SBF2: variants seen among roughly 807,000 people sequenced by gnomAD.
SBF2 encodes the protein SET binding factor 2, also known as myotubularin-related protein 13.
Under a neutral mutation model 225.2 loss-of-function variants are expected in SBF2, and 112 were observed. That is an observed-to-expected ratio of 0.50 (90% CI 0.43 to 0.58). The LOEUF (loss-of-function observed/expected upper bound fraction) is 0.58, where lower values mean the gene tolerates loss of function less well. SBF2 is among the 20% of genes least tolerant of loss of function. The probability of loss-of-function intolerance (pLI) is 0.00; values close to 1 mark genes in which losing one functional copy is unlikely to be tolerated. For synonymous variants in SBF2, 763 were observed against 773.3 expected (o/e 0.99, Z 0.22); for missense variants, 1,996 against 2,206.2 (o/e 0.90, Z 1.91).
intron 17 of SBF2, among the ~76,000 whole-genome samples, chr11:9,895,065 C>T (rs1230743583): frequency 1.3e-5 from 2 of 152,188 alleles, no homozygotes; most frequent in Non-Finnish European, 2.9e-5. Context: ...TAGACCTTGA[C>T]TGATTCATCC....
chr11:9,938,050 T>TA (rs200622651), intron 16 of SBF2, among the ~76,000 whole-genome samples: 1 of 122,730 alleles, frequency 8.1e-6, no homozygotes, highest in East Asian at 4.6e-4. Flanking sequence ...CCCAGCACTT[T>TA]GGGGGCCAAG....
intron 13 of SBF2, among the ~76,000 whole-genome samples, chr11:9,976,915 G>A (rs1036932934): frequency 9.9e-5 from 15 of 151,634 alleles, no homozygotes; most frequent in African/African-American, 1.5e-4. Context: ...GACTACACGC[G>A]CCCACCACCA....
At chr11:9,800,241 G>GA (rs141167439) in intron 32 of SBF2, among the ~76,000 whole-genome samples, 22 of 145,316 alleles carry the variant, frequency 1.5e-4, no homozygotes, top group East Asian at 4.0e-4. Flanking sequence ...CATCCTAAAG[G>GA]AAAAAAAAAA....
intron 2 of SBF2, among the ~76,000 whole-genome samples, chr11:10,192,580 T>C (rs550582063): frequency 6.6e-6 from 1 of 152,308 alleles, no homozygotes; most frequent in South Asian, 2.1e-4. Flanking sequence ...GAAGACATTG[T>C]TCTAATCATT....
chr11:10,049,309 A>AT (rs1949979892), intron 2 of SBF2, among the ~76,000 whole-genome samples: 1 of 152,172 alleles, frequency 6.6e-6, no homozygotes, highest in Admixed American at 6.5e-5. Flanking sequence ...TTAAAAAAAA[A>AT]TTTTATTTTA....
intron 16 of SBF2, among the ~76,000 whole-genome samples, chr11:9,933,661 T>C (rs892965661): frequency 2.0e-5 from 3 of 152,024 alleles, no homozygotes; most frequent in Non-Finnish European, 2.9e-5. Context: ...TTTAAAGCAG[T>C]GTGTAGAGGG....
intron 2 of SBF2, among the ~76,000 whole-genome samples, chr11:10,066,572 C>G (rs1317768246): frequency 2.6e-5 from 4 of 152,080 alleles, no homozygotes; most frequent in Non-Finnish European, 5.9e-5. Context: ...AGTGAGCAAA[C>G]ACTTCTGTTA....
chr11:9,887,229 A>G (rs1396343635), intron 17 of SBF2, among the ~76,000 whole-genome samples: 2 of 151,754 alleles, frequency 1.3e-5, no homozygotes, highest in African/African-American at 2.4e-5. Flanking sequence ...ATTAGTAATT[A>G]TTATAAAAAT....
intron 1 of SBF2, among the ~76,000 whole-genome samples, chr11:10,201,607 C>T (rs1957573697): frequency 6.6e-6 from 1 of 152,124 alleles, no homozygotes; most frequent in Admixed American, 6.5e-5. Context: ...TCTGATTTTC[C>T]AGTACAATCT....
chr11:9,970,881 A>G (rs1359152094), intron 13 of SBF2, among the ~76,000 whole-genome samples: 2 of 152,188 alleles, frequency 1.3e-5, no homozygotes, highest in East Asian at 1.9e-4. Context: ...ACTCTTAGTA[A>G]TCACTCTTTC....
At chr11:9,980,268 C>T (rs1347322012) in intron 13 of SBF2, among the ~76,000 whole-genome samples, 2 of 147,494 alleles carry the variant, frequency 1.4e-5, no homozygotes, top group African/African-American at 5.0e-5. Context: ...GCATGAGCCA[C>T]CATACCCAGC....
intron 1 of SBF2, among the ~76,000 whole-genome samples, chr11:10,249,582 G>C (rs191742748): frequency 6.6e-6 from 1 of 152,176 alleles, no homozygotes; most frequent in African/African-American, 2.4e-5. Flanking sequence ...ATGACTTACA[G>C]TAATGTGGAA....
chr11:10,063,500 G>A (rs1321887193), intron 2 of SBF2, among the ~76,000 whole-genome samples: 1 of 151,458 alleles, frequency 6.6e-6, no homozygotes, highest in Non-Finnish European at 1.5e-5. Context: ...TGGGACTACA[G>A]ATGCCCTGCA....
chr11:10,014,119 C>A (rs1329966351), intron 6 of SBF2, among the ~76,000 whole-genome samples: 1 of 152,086 alleles, frequency 6.6e-6, no homozygotes, highest in Non-Finnish European at 1.5e-5. Flanking sequence ...TCCTAAGAGT[C>A]CTGGTTCTCT....
chr11:10,026,911 C>T (rs1050373433), intron 6 of SBF2, among the ~76,000 whole-genome samples: 32 of 151,918 alleles, frequency 2.1e-4, no homozygotes, highest in South Asian at 2.1e-3. Context: ...TATTTTAAGG[C>T]TTAACTATGC....
chr11:9,927,406 C>T (rs947921165), intron 16 of SBF2, among the ~76,000 whole-genome samples: 3 of 152,110 alleles, frequency 2.0e-5, no homozygotes, highest in Non-Finnish European at 2.9e-5. Flanking sequence ...CAATACCCTG[C>T]TACCAAAACC....
At chr11:9,986,316 C>T (rs1947195853) in intron 13 of SBF2, among the ~76,000 whole-genome samples, 1 of 152,048 alleles carries the variant, frequency 6.6e-6, no homozygotes, top group South Asian at 2.1e-4. Context: ...CCCTAAATGC[C>T]TACATCAAAA....
At chr11:9,873,205 C>CAAAAAAAAAAA (rs56013344) in intron 17 of SBF2, among the ~76,000 whole-genome samples, 1 of 60,646 alleles carries the variant, frequency 1.6e-5, no homozygotes, top group Non-Finnish European at 2.7e-5. Flanking sequence ...GACTCTGTCT[C>CAAAAAAAAAAA]AAAAAAAAAA....
At chr11:10,074,492 GTGAC>G (rs1303799640) in intron 2 of SBF2, among the ~76,000 whole-genome samples, 65 of 152,246 alleles carry the variant, frequency 4.3e-4, no homozygotes, top group African/African-American at 1.1e-3. Context: ...ACTCTCACAT[GTGAC>G]TGACTGACTT....
Sources: gnomAD v4.1 joint callset for allele counts (sites outside exome capture counted in the v4.1 genomes callset) on GRCh38, gnomAD v4.1.1 for gene constraint, MANE v1.5 for transcripts, NCBI Gene and HGNC (gene_info 2026-07-23, HGNC 2026-07-21) for gene names.